The following ADAP2 variants were observed in gnomAD, a reference collection of about 807,000 sequenced individuals.
ADAP2 encodes the protein arf-GAP with dual PH domain-containing protein 2.
Under a neutral mutation model 54.9 loss-of-function variants are expected in ADAP2, and 42 were observed. That is an observed-to-expected ratio of 0.77 (90% confidence interval 0.60 to 0.99). The LOEUF is 0.99. Among genes scored for constraint, ADAP2 ranks in the 50% least tolerant of loss-of-function variants. ADAP2 has a pLI of 0.00. For missense variants in ADAP2, 429 were observed against 480.4 expected, an observed-to-expected ratio of 0.89 and a Z score of 1.00; for synonymous variants, 177 against 180.1, an observed-to-expected ratio of 0.98 and a Z score of 0.14.
intron 1 of ADAP2, 72 bp downstream of exon 1, chr17:30,922,180 GC>G: frequency 9.1e-7 from 1 of 1,102,772 alleles, no homozygotes; most frequent in Non-Finnish European, 1.1e-6. Flanking sequence ...CCTCCCCTCG[GC>G]CCCACCGGGT....
At chr17:30,931,150 A>G (rs1164905946) in intron 3 of ADAP2, among the ~76,000 whole-genome samples, 2 of 152,104 alleles carry the variant, frequency 1.3e-5, no homozygotes, top group African/African-American at 4.8e-5. Context: ...AAGCTCATGA[A>G]CACACAGTGG....
chr17:30,931,378 A>C (rs1405260690), intron 3 of ADAP2, among the ~76,000 whole-genome samples: 4 of 152,218 alleles, frequency 2.6e-5, no homozygotes, highest in Non-Finnish European at 4.4e-5. Context: ...AAATGCTGCT[A>C]AACATTCTGT....
chr17:30,954,682 A>G (rs772452066), intron 9 of ADAP2, 127 bp downstream of exon 9: 2 of 745,356 alleles, frequency 2.7e-6, no homozygotes, highest in Non-Finnish European at 4.5e-6. Flanking sequence ...AAACCTTGAG[A>G]GGAAAACCTC....
At chr17:30,945,328 C>T (rs1229362549) in intron 6 of ADAP2, among the ~76,000 whole-genome samples, 8 of 152,156 alleles carry the variant, frequency 5.3e-5, no homozygotes, top group African/African-American at 1.9e-4. Context: ...GGACTATGCC[C>T]AGGGATGCAA....
chr17:30,952,772 C>T (rs1416388525), intron 7 of ADAP2, among the ~76,000 whole-genome samples: 3 of 152,130 alleles, frequency 2.0e-5, no homozygotes, highest in Non-Finnish European at 2.9e-5. Context: ...TACTTTAGCA[C>T]CTAGTGTAGT....
At chr17:30,928,473 A>G (rs1304936551) in intron 3 of ADAP2, among the ~76,000 whole-genome samples, 4 of 152,178 alleles carry the variant, frequency 2.6e-5, no homozygotes, top group Non-Finnish European at 4.4e-5. Flanking sequence ...TGGGCAACAG[A>G]GTGAGACTTT....
chr17:30,952,766 T>G lies in ADAP2; in HGVS notation c.742-522T>G, dbSNP rs548270320. ...CAGAGGGCCCTGGCATATTTATACT[T>G]TAGCACCTAGTGTAGTGGTAGGAGT... On this transcript the variant is annotated intron_variant, in intron 7 of 10. Transcript: ENST00000330889. Among the ~76,000 whole-genome samples the G allele has an allele frequency of 2.6e-4, 40 of 152,272 alleles. 1 individual carries two copies. The highest frequency in any genetic ancestry group is 1.2e-3 in the Admixed American group (19 of 15,288).
intron 3 of ADAP2, 128 bp from the exon 4 acceptor site, chr17:30,931,761 C>T: frequency 3.3e-6 from 2 of 610,222 alleles, no homozygotes; most frequent in East Asian, 2.8e-5. Flanking sequence ...GTCTAGGCTG[C>T]AGTGAGCCGT....
chr17:30,953,453 G>A, intron 8 of ADAP2, 103 bp downstream of exon 8: 1 of 1,288,640 alleles, frequency 7.8e-7, no homozygotes, highest in Non-Finnish European at 1.1e-6. Context: ...AAGGTGTTAG[G>A]CCAAGCTTGT....
At position 30,949,317 on chromosome 17, in the gene ADAP2, G is replaced by A. The variant is rs1216311687; in HGVS notation, c.688G>A (p.Ala230Thr). Residue 230 changes from alanine (A) to threonine (T), a missense_variant, in exon 7 of 11, where the codon GCA becomes ACA. Transcript: ENST00000330889. ...AGTGGACTGGTTCAATGCCCTCCGT[G>A]CAGCCCGTCTGCAGTACCTAAAAAT... is the stretch of plus-strand genomic sequence containing the variant. ...EIVDWFNALR[A>T]ARLQYLKMAF... 1 of 1,614,034 alleles carries A rather than the reference G, an allele frequency of 6.2e-7. No individual in the cohort carries two copies. Among genetic ancestry groups the A allele is most frequent in the Non-Finnish European group, 8.5e-7 (1 of 1,180,026 alleles).
intron 7 of ADAP2, among the ~76,000 whole-genome samples, chr17:30,950,367 C>T (rs1266158658): frequency 6.6e-6 from 1 of 152,154 alleles, no homozygotes; most frequent in East Asian, 1.9e-4. Flanking sequence ...CTGTCTCGAG[C>T]CAGGAAGCCT....
intron 3 of ADAP2, among the ~76,000 whole-genome samples, chr17:30,931,382 A>G (rs889704401): frequency 2.0e-5 from 3 of 152,200 alleles, no homozygotes; most frequent in Non-Finnish European, 2.9e-5. Flanking sequence ...GCTGCTAAAC[A>G]TTCTGTGGAG....
At chr17:30,939,162 C>T (rs9891531) in intron 5 of ADAP2, among the ~76,000 whole-genome samples, 5,900 of 152,038 alleles carry the variant, frequency 0.039, 360 homozygotes, top group African/African-American at 0.13. Flanking sequence ...GAAGAGAAAG[C>T]GCTACTGCAG....
chr17:30,925,616 G>T, intron 2 of ADAP2, among the ~76,000 whole-genome samples: 1 of 142,180 alleles, frequency 7.0e-6, no homozygotes, highest in Admixed American at 7.3e-5. Context: ...TTTTGAGACG[G>T]AGTCTCACTC....
At chr17:30,944,845 A>C in intron 5 of ADAP2, 62 bp from the exon 6 acceptor site, 1 of 1,531,438 alleles carries the variant, frequency 6.5e-7, no homozygotes, top group Admixed American at 1.9e-5. Flanking sequence ...GGCCTTGGTG[A>C]AGGTTGACCA....
In ADAP2 at chr17:30,953,344, G is replaced by A; in HGVS notation, c.798G>A (p.Gly266=). The A allele has an allele frequency of 6.2e-7, 1 of 1,613,838 alleles. No homozygotes were observed. The highest frequency in any genetic ancestry group is 8.5e-7 in the Non-Finnish European group (1 of 1,179,918). Residue 266 remains glycine, a synonymous_variant, in exon 8 of 11, where the codon GGG becomes GGA. Transcript: ENST00000330889. The stretch of plus-strand genomic sequence containing the variant: ...AACAAGGCTTCATGGAAAAGACTGG[G>A]CCAAAGGTACCTTCTATCACTCCCT... ...YLKQGFMEKT[G]PKQKEPFKKR...
chr17:30,925,942 A>G (rs1188882562), intron 2 of ADAP2, among the ~76,000 whole-genome samples: 1 of 152,096 alleles, frequency 6.6e-6, no homozygotes, highest in East Asian at 1.9e-4. Flanking sequence ...CATGTTGGTC[A>G]GGCTGGTCTC....
chr17:30,957,257 C>T lies in ADAP2; in HGVS notation c.1112-578C>T, dbSNP rs74767412. Reference sequence around the variant, plus strand: ...GCAAATTGTGAGTGAGGCATATCAGCTGGTGCTTTCTTTTCTCTGTGGGCT... The same window carrying T: ...GCAAATTGTGAGTGAGGCATATCAGTTGGTGCTTTCTTTTCTCTGTGGGCT... On this transcript the variant is annotated intron_variant, in intron 10 of 10. Transcript: ENST00000330889. Among the ~76,000 whole-genome samples, 427 of 152,238 alleles carry T rather than the reference C, an allele frequency of 2.8e-3. 7 individuals are homozygous for T. The highest frequency in any genetic ancestry group is 0.023 in the Admixed American group (346 of 15,286).
rs751975930 is a variant in ADAP2, at chr17:30,923,079, G to C, written c.225+9G>C. ...ACGACAGTATTGTGGAGGTAGAAAGGCATGCCCGTGGAGAGCCATGGAACT... is the reference window on the plus strand; with the variant it reads ...ACGACAGTATTGTGGAGGTAGAAAGCCATGCCCGTGGAGAGCCATGGAACT... On this transcript the variant is annotated intron_variant, in intron 2 of 10. Coordinates refer to ENST00000330889, the MANE Select transcript of ADAP2 (RefSeq NM_018404.3). 8 of 1,613,162 alleles carry C rather than the reference G, an allele frequency of 5.0e-6. No homozygotes were observed. Among genetic ancestry groups the C allele is most frequent in the Non-Finnish European group, 6.8e-6 (8 of 1,179,872 alleles).
Sources: gnomAD v4.1 joint callset for allele counts (sites outside exome capture counted in the v4.1 genomes callset) on GRCh38, gnomAD v4.1.1 for gene constraint, MANE v1.5 for transcripts, NCBI Gene and HGNC (gene_info 2026-07-23, HGNC 2026-07-21) for gene names.